Variants in PDZD2 observed in about 807,000 individuals in gnomAD.
PDZD2 encodes PDZ domain-containing protein 2.
In PDZD2, 90 loss-of-function variants were observed where a neutral mutation model predicts 220.7. The observed-to-expected ratio is 0.41, with a 90% CI of 0.34 to 0.49. The LOEUF (loss-of-function observed/expected upper bound fraction) is 0.49, where lower values mean the gene tolerates loss of function less well. Among genes scored for constraint, PDZD2 ranks in the 20% least tolerant of loss-of-function variants. PDZD2 has a pLI of 0.28. For synonymous variants in PDZD2, 1,375 were observed against 1,450.5 expected, an observed-to-expected ratio of 0.95 and a Z score of 1.18; for missense variants, 3,174 against 3,608.5, an observed-to-expected ratio of 0.88 and a Z score of 3.08.
intron 1 of PDZD2, among the ~76,000 whole-genome samples, chr5:31,796,317 C>T (rs73058494): frequency 1.3e-5 from 2 of 152,288 alleles, no homozygotes; most frequent in African/African-American, 4.8e-5. Context: ...AATGCAGCCC[C>T]GTCCAGGATG....
Position 32,088,351 on chromosome 5 carries a change from T to C in PDZD2, c.4903T>C (p.Tyr1635His), listed in dbSNP as rs1742729532. 1.9e-6 allele frequency: 3 copies of C among 1,614,112 alleles called. No homozygotes were observed. The East Asian group carries it at 6.7e-5, about 36-fold the overall frequency. Residue 1635 changes from tyrosine to histidine, a missense_variant, in exon 20 of 25, where the codon TAC (tyrosine) becomes CAC (histidine). This residue lies in a region of PDZD2 where 1,861 missense variants were observed against 2,001.0 expected (regional missense o/e 0.93). Transcript: ENST00000438447. The surrounding 1 kb of genome is among the most constrained non-coding windows in gnomAD (Gnocchi z 4.6). ...CTCAGCCAAAGTTCTGTCATTAAAATACAGCACTCCGAGAGAGTCGGTGGC... is the reference window on the plus strand; with the variant it reads ...CTCAGCCAAAGTTCTGTCATTAAAACACAGCACTCCGAGAGAGTCGGTGGC... ...PASAKVLSLK[Y>H]STPRESVASP... is the part of the protein sequence containing the mutation.
intron 3 of PDZD2, among the ~76,000 whole-genome samples, chr5:31,994,209 G>A (rs1751453926): frequency 6.6e-6 from 1 of 151,758 alleles, no homozygotes; most frequent in Non-Finnish European, 1.5e-5. Context: ...TAGTAGAGAT[G>A]TTGGACAGGC....
In PDZD2 at chr5:32,052,241, G is replaced by C. The variant is rs142984753; in HGVS notation, c.1666-370G>C. ...GCTCACTGCAACCTCCACCTCCCAG[G>C]TTCAAGCGATTGTCCTGCCTCAGCC... On this transcript the variant is annotated intron_variant, in intron 8 of 24. Transcript: ENST00000438447. 2.6e-3 allele frequency among the ~76,000 whole-genome samples: 395 copies of C among 152,312 alleles called. 1 individual carries two copies. The highest frequency in any genetic ancestry group is 8.8e-3 in the African/African-American group (367 of 41,572).
intron 2 of PDZD2, among the ~76,000 whole-genome samples, chr5:31,910,334 C>T (rs986295750): frequency 6.7e-6 from 1 of 150,048 alleles, no homozygotes; most frequent in African/African-American, 2.5e-5. Context: ...ATTCTCATGA[C>T]TCAGCCTCCC....
chr5:32,024,342 G>C (rs1754449876), intron 6 of PDZD2, among the ~76,000 whole-genome samples: 1 of 152,170 alleles, frequency 6.6e-6, no homozygotes, highest in Non-Finnish European at 1.5e-5. Context: ...TAGCTAAGAT[G>C]GAAAAGGCAT....
intron 3 of PDZD2, among the ~76,000 whole-genome samples, chr5:31,993,042 A>G (rs184569395): frequency 7.2e-5 from 11 of 152,162 alleles, no homozygotes; most frequent in Admixed American, 3.9e-4. Context: ...GGAAGTGTTG[A>G]AAGTTGCCAT....
chr5:32,049,236 A>G (rs1191264067), intron 8 of PDZD2, among the ~76,000 whole-genome samples: 1 of 152,160 alleles, frequency 6.6e-6, no homozygotes, highest in Non-Finnish European at 1.5e-5. Context: ...ACAGCCCTGC[A>G]TGAGGGCCGC....
chr5:31,842,197 G>A (rs904741319), intron 2 of PDZD2, among the ~76,000 whole-genome samples: 54 of 152,222 alleles, frequency 3.5e-4, no homozygotes, highest in Middle Eastern at 3.4e-3. Context: ...TCTTAGCGGG[G>A]ATTTGCATAT....
rs765238415 is a variant in PDZD2 at position 32,088,762 on chromosome 5, T to C, written c.5314T>C (p.Leu1772=). ...TGTCCCTAAGAATGGAGAATCTGTT[T>C]TGGAAAACCTCCACATCTCTGAAAG... ...VDVPKNGESV[L]ENLHISESQD... is the part of the protein sequence containing the mutation. Residue 1772 remains leucine (L), a synonymous_variant, in exon 20 of 25, where the codon TTG becomes CTG. Coordinates refer to ENST00000438447, the MANE Select transcript of PDZD2 (RefSeq NM_178140.4). This position sits in a 1 kb window ranked among gnomAD's most constrained non-coding sequence, Gnocchi z 4.6. The C allele has an allele frequency of 4.3e-6, 7 of 1,613,982 alleles. No individual in the cohort carries two copies. Among genetic ancestry groups the C allele is most frequent in the African/African-American group, 2.7e-5 (2 of 74,912 alleles).
At chr5:31,954,065 A>G (rs1747432999) in intron 2 of PDZD2, among the ~76,000 whole-genome samples, 1 of 151,884 alleles carries the variant, frequency 6.6e-6, no homozygotes. Context: ...ATAGTGTGAT[A>G]TGATCGTGCC....
intron 1 of PDZD2, among the ~76,000 whole-genome samples, chr5:31,778,686 C>T (rs537698008): frequency 3.3e-5 from 5 of 152,262 alleles, no homozygotes; most frequent in Admixed American, 2.0e-4. Context: ...TAACACTCAC[C>T]GGGAGGGTCC....
At chr5:31,772,520 A>G (rs1252910973) in intron 1 of PDZD2, among the ~76,000 whole-genome samples, 2 of 152,178 alleles carry the variant, frequency 1.3e-5, no homozygotes, top group Non-Finnish European at 2.9e-5. Context: ...CCTTCCTGAG[A>G]AAATTCTTTG....
At chr5:31,801,480 T>A (rs1222485010) in intron 2 of PDZD2, among the ~76,000 whole-genome samples, 1 of 152,136 alleles carries the variant, frequency 6.6e-6, no homozygotes, top group Non-Finnish European at 1.5e-5. Context: ...TGGAGATAGT[T>A]CTTTGAAAGT....
intron 19 of PDZD2, among the ~76,000 whole-genome samples, chr5:32,080,372 T>TG (rs796511488): frequency 0.036 from 3,718 of 102,468 alleles, 73 homozygotes; most frequent in Non-Finnish European, 0.05. Flanking sequence ...AAAAAAAAAG[T>TG]GGGGGGTGAG....
chr5:32,068,465 T>A (rs1483991165), intron 14 of PDZD2, among the ~76,000 whole-genome samples: 1 of 152,242 alleles, frequency 6.6e-6, no homozygotes, highest in East Asian at 1.9e-4. Flanking sequence ...TCAGCTGACA[T>A]TTTTTCCTTA....
At chr5:32,077,147 C>T (rs1189729096) in intron 18 of PDZD2, among the ~76,000 whole-genome samples, 1 of 152,162 alleles carries the variant, frequency 6.6e-6, no homozygotes, top group Non-Finnish European at 1.5e-5. Flanking sequence ...AATAACAATA[C>T]CTTACATCTG....
chr5:31,970,138 G>A (rs934152324), intron 2 of PDZD2, among the ~76,000 whole-genome samples: 2 of 151,892 alleles, frequency 1.3e-5, no homozygotes, highest in South Asian at 2.1e-4. Flanking sequence ...CAGGTGATCC[G>A]CCCACCTCGG....
At position 31,662,710 on chromosome 5, in the gene PDZD2, T is replaced by G. The variant is rs29756; in HGVS notation, c.-361+23273T>G. Among the ~76,000 whole-genome samples, 15 of 152,156 alleles carry G rather than the reference T, an allele frequency of 9.9e-5. 1 individual carries two copies. The South Asian group carries it at 2.3e-3, about 23-fold the overall frequency. On this transcript the variant is annotated intron_variant, in intron 1 of 24. Coordinates refer to ENST00000438447, the MANE Select transcript of PDZD2 (RefSeq NM_178140.4). ...AGTGGCGCAATCTCAGCTCACTGCATGCTCCGCCTCCCAGGTTCACGCCAT... is the reference window on the plus strand; with the variant it reads ...AGTGGCGCAATCTCAGCTCACTGCAGGCTCCGCCTCCCAGGTTCACGCCAT...
chr5:31,716,381 C>T (rs548075747), intron 1 of PDZD2, among the ~76,000 whole-genome samples: 1 of 152,250 alleles, frequency 6.6e-6, no homozygotes, highest in South Asian at 2.1e-4. Context: ...GAATGCCACA[C>T]GGGGCCACAC....
Sources: gnomAD v4.1 joint callset for allele counts (sites outside exome capture counted in the v4.1 genomes callset) on GRCh38, gnomAD v4.1.1 for gene constraint, gnomAD v4.1.1 regional missense constraint, Gnocchi (gnomAD v3.1) non-coding constraint, MANE v1.5 for transcripts, NCBI Gene and HGNC (gene_info 2026-07-23, HGNC 2026-07-21) for gene names.